Variants in NAALADL2 observed in about 807,000 individuals in gnomAD.
The protein encoded by NAALADL2 is inactive N-acetylated-alpha-linked acidic dipeptidase-like protein 2.
Under a neutral mutation model 87.2 loss-of-function variants are expected in NAALADL2, and 76 were observed. The observed-to-expected ratio is 0.87, with a 90% CI of 0.72 to 1.05. NAALADL2 has a LOEUF of 1.05. Among genes scored for constraint, NAALADL2 ranks in the 50% least tolerant of loss-of-function variants. NAALADL2 has a pLI of 0.00. For missense variants in NAALADL2, 1,089 were observed against 945.8 expected, an observed-to-expected ratio of 1.15 and a Z score of -1.99; for synonymous variants, 354 against 331.0, an observed-to-expected ratio of 1.07 and a Z score of -0.75.
At chr3:175,706,351 G>A (rs1582961549) in intron 11 of NAALADL2, among the ~76,000 whole-genome samples, 1 of 152,018 alleles carries the variant, frequency 6.6e-6, no homozygotes, top group East Asian at 1.9e-4. Flanking sequence ...ACTTAGTTAT[G>A]GTAAAGGTCA....
intron 1 of NAALADL2, among the ~76,000 whole-genome samples, chr3:175,072,153 A>T (rs370767677): frequency 6.6e-6 from 1 of 152,068 alleles, no homozygotes; most frequent in Non-Finnish European, 1.5e-5. Flanking sequence ...CTGTTGAAAG[A>T]GTTCTACAAG....
At chr3:175,632,177 A>G (rs1048120358) in intron 11 of NAALADL2, among the ~76,000 whole-genome samples, 2 of 151,598 alleles carry the variant, frequency 1.3e-5, no homozygotes, top group South Asian at 2.1e-4. Flanking sequence ...TGATTGAATC[A>G]TGGGGGCAGA....
At chr3:175,314,969 C>T (rs775243649) in intron 4 of NAALADL2, among the ~76,000 whole-genome samples, 11 of 151,844 alleles carry the variant, frequency 7.2e-5, no homozygotes, top group Non-Finnish European at 1.5e-4. Flanking sequence ...TGCTTCAAGC[C>T]AGTCACAATC....
chr3:175,484,255 G>A (rs1726926489), intron 9 of NAALADL2, among the ~76,000 whole-genome samples: 1 of 151,940 alleles, frequency 6.6e-6, no homozygotes, highest in Non-Finnish European at 1.5e-5. Flanking sequence ...AACAGTTCAC[G>A]GTTTATTTGA....
chr3:174,534,954 A>G (rs1721597116), intron 1 of NAALADL2, among the ~76,000 whole-genome samples: 1 of 152,214 alleles, frequency 6.6e-6, no homozygotes, highest in Non-Finnish European at 1.5e-5. Flanking sequence ...TATTGATTTA[A>G]CTGGTCTGGA....
At chr3:174,640,105 TATA>T (rs1723019698) in intron 2 of NAALADL2, among the ~76,000 whole-genome samples, 1 of 152,302 alleles carries the variant, frequency 6.6e-6, no homozygotes, top group African/African-American at 2.4e-5. Context: ...AAGCTTGGTA[TATA>T]ATGATTTAGC....
rs183060566 is a variant in NAALADL2 at position 175,789,037 on chromosome 3, C to G, written c.2190-13968C>G. On this transcript the variant is annotated intron_variant, in intron 13 of 13. Transcript: ENST00000454872. ...AAAAATAGGTGGAATTCCTTAACTT[C>G]TTTAGAGTTTCTTTTGTTTTATTAT... Among the ~76,000 whole-genome samples, 314 of 152,088 alleles carry G rather than the reference C, an allele frequency of 2.1e-3. 2 individuals are homozygous for G. The highest frequency in any genetic ancestry group is 2.9e-4 in the Non-Finnish European group (20 of 67,932).
At chr3:175,106,804 C>A (rs1453912941) in intron 2 of NAALADL2, among the ~76,000 whole-genome samples, 1 of 151,974 alleles carries the variant, frequency 6.6e-6, no homozygotes, top group African/African-American at 2.4e-5. Flanking sequence ...AGAAATTAAG[C>A]AAGATATTTG....
intron 9 of NAALADL2, among the ~76,000 whole-genome samples, chr3:175,544,966 A>C (rs1219055841): frequency 6.6e-6 from 1 of 152,152 alleles, no homozygotes; most frequent in Admixed American, 6.5e-5. Flanking sequence ...ATGTACAAAC[A>C]CTCAAGATTC....
chr3:174,805,111 C>T (rs1719307010), intron 3 of NAALADL2, among the ~76,000 whole-genome samples: 1 of 152,098 alleles, frequency 6.6e-6, no homozygotes. Flanking sequence ...CATATTGGAA[C>T]TCAAACCATG....
intron 3 of NAALADL2, among the ~76,000 whole-genome samples, chr3:174,806,900 C>G (rs1418737431): frequency 6.6e-6 from 1 of 151,978 alleles, no homozygotes; most frequent in Non-Finnish European, 1.5e-5. Flanking sequence ...TTATTAGGTC[C>G]TTATAGCCAT....
intron 2 of NAALADL2, among the ~76,000 whole-genome samples, chr3:175,210,703 G>T (rs1271904392): frequency 1.3e-5 from 2 of 151,242 alleles, no homozygotes; most frequent in Non-Finnish European, 3.0e-5. Context: ...AATATGAGAT[G>T]ACCAATTTTA....
intron 1 of NAALADL2, among the ~76,000 whole-genome samples, chr3:175,016,822 G>A (rs569944761): frequency 8.6e-5 from 13 of 151,476 alleles, no homozygotes; most frequent in Admixed American, 5.3e-4. Context: ...TACTTTCAGG[G>A]TACATGGTGA....
At chr3:174,656,604 A>G (rs1724955925) in intron 2 of NAALADL2, among the ~76,000 whole-genome samples, 1 of 152,236 alleles carries the variant, frequency 6.6e-6, no homozygotes, top group South Asian at 2.1e-4. Flanking sequence ...TTTTTTGTTT[A>G]AGGTTCCAGA....
rs200440578 is a variant in NAALADL2, at chr3:174,582,553, T to A, written c.-115+31916T>A. Among the ~76,000 whole-genome samples, 21 of 152,348 alleles carry A rather than the reference T, an allele frequency of 1.4e-4. No individual in the cohort carries two copies. The East Asian group carries it at 2.7e-3, about 20-fold the overall frequency. ...TTACAAATTCTATCTTTAATTTATA[T>A]GACAGAAATTCATCATTTATTTCTA... On this transcript the variant is annotated intron_variant, in intron 2 of 3. Transcript: ENST00000434257.
At chr3:174,559,121 T>A (rs1713246842) in intron 2 of NAALADL2, among the ~76,000 whole-genome samples, 1 of 152,076 alleles carries the variant, frequency 6.6e-6, no homozygotes, top group Non-Finnish European at 1.5e-5. Context: ...GGGTGCTAAA[T>A]CAGATATCAG....
intron 3 of NAALADL2, among the ~76,000 whole-genome samples, chr3:174,786,361 G>C (rs1716645572): frequency 6.6e-6 from 1 of 150,810 alleles, no homozygotes; most frequent in African/African-American, 2.4e-5. Flanking sequence ...TGAGGTAGGA[G>C]ATGTGCTTGA....
chr3:175,131,723 G>A (rs1217834814), intron 2 of NAALADL2, among the ~76,000 whole-genome samples: 1 of 151,426 alleles, frequency 6.6e-6, no homozygotes, highest in Admixed American at 6.6e-5. Context: ...GGGTGGCCGG[G>A]CAGAGGCGCC....
chr3:174,648,441 G>C (rs1285881498), intron 2 of NAALADL2, among the ~76,000 whole-genome samples: 1 of 152,008 alleles, frequency 6.6e-6, no homozygotes, highest in Non-Finnish European at 1.5e-5. Context: ...ATCTACTGCA[G>C]TTCTTAGAAC....
Sources: gnomAD v4.1 joint callset for allele counts (sites outside exome capture counted in the v4.1 genomes callset) on GRCh38, gnomAD v4.1.1 for gene constraint, MANE v1.5 for transcripts, NCBI Gene and HGNC (gene_info 2026-07-23, HGNC 2026-07-21) for gene names.